Variants in FBXW2 observed in about 807,000 individuals in gnomAD.
FBXW2 encodes the protein F-box and WD repeat domain containing 2.
FBXW2 carries 12 observed loss-of-function variants against 46.0 expected under a neutral mutation model. That is an observed-to-expected ratio of 0.26 (90% CI 0.17 to 0.42). The LOEUF (loss-of-function observed/expected upper bound fraction) is 0.42, where lower values mean the gene tolerates loss of function less well. FBXW2 is among the 10% of genes least tolerant of loss of function. The pLI is 1.00. For synonymous variants in FBXW2, 203 were observed against 209.6 expected, an observed-to-expected ratio of 0.97 and a Z score of 0.27; for missense variants, 360 against 537.0, an observed-to-expected ratio of 0.67 and a Z score of 3.26.
At chr9:120,792,800 A>C in intron 2 of FBXW2, 1 of 1,148,782 alleles carries the variant, frequency 8.7e-7, no homozygotes, top group South Asian at 1.3e-5. Context: ...GCACGCTGTA[A>C]GCCTACAGTA....
chr9:120,771,638 G>C, intron 6 of FBXW2, 121 bp from the exon 7 acceptor site: 2 of 771,962 alleles, frequency 2.6e-6, no homozygotes, highest in South Asian at 3.9e-5. Flanking sequence ...AAGACCCCAG[G>C]TTTTATAGCC....
intron 7 of FBXW2, among the ~76,000 whole-genome samples, chr9:120,766,525 C>A (rs570875329): frequency 6.6e-6 from 1 of 152,196 alleles, no homozygotes; most frequent in African/African-American, 2.4e-5. Flanking sequence ...AGTGCAGTGG[C>A]GTGATCTCGG....
chr9:120,776,240 T>C lies in FBXW2; in HGVS notation c.686-14A>G, dbSNP rs765084024. The C allele has an allele frequency of 6.2e-7, 1 of 1,611,112 alleles. No homozygotes were observed. The highest frequency in any genetic ancestry group is 8.5e-7 in the Non-Finnish European group (1 of 1,178,964). On this transcript the variant is annotated splice_polypyrimidine_tract_variant and intron_variant, in intron 4 of 7. Coordinates refer to ENST00000608872, the MANE Select transcript of FBXW2 (RefSeq NM_012164.4). ...CCACGCTAAATACTAGTGCATATAA[T>C]TACACAAAGTTAAAACATGTCTCTG... is the stretch of plus-strand genomic sequence containing the variant.
At chr9:120,785,891 C>A (rs190673294) in intron 3 of FBXW2, among the ~76,000 whole-genome samples, 1 of 151,596 alleles carries the variant, frequency 6.6e-6, no homozygotes, top group Non-Finnish European at 1.5e-5. Context: ...GGTGTGGTGG[C>A]GCACACCTGT....
At chr9:120,778,307 G>T in intron 4 of FBXW2, 44 bp downstream of exon 4, 1 of 1,508,766 alleles carries the variant, frequency 6.6e-7, no homozygotes, top group Non-Finnish European at 8.9e-7. Context: ...TGGCTTAAAA[G>T]GATGAGGCTA....
chr9:120,757,037 T>C lies in FBXW2; in HGVS notation c.*7522A>G, dbSNP rs2044140648. ...ATTAGTGAAATTTTATTTATAGCCA[T>C]AATTCATCTCGACCAATGATTTCAC... is the stretch of plus-strand genomic sequence containing the variant. On this transcript the variant is annotated 3_prime_UTR_variant, in exon 8 of 8. Transcript: ENST00000608872. 1 of 152,240 alleles carries C rather than the reference T, an allele frequency of 6.6e-6. No individual in the cohort carries two copies. The highest frequency in any genetic ancestry group is 1.9e-4 in the East Asian group (1 of 5,206). 9.4% of individuals were successfully genotyped at this position (152,240 alleles called of 1,614,324 possible).
intron 5 of FBXW2, among the ~76,000 whole-genome samples, chr9:120,773,437 A>C (rs1012012570): frequency 6.6e-6 from 1 of 152,216 alleles, no homozygotes; most frequent in African/African-American, 2.4e-5. Context: ...CTTGGACAAG[A>C]CCATCTAAAC....
At position 120,760,712 on chromosome 9, in the gene FBXW2, T is replaced by C. The variant is rs537332691; in HGVS notation, c.*3847A>G. On this transcript the variant is annotated 3_prime_UTR_variant, in exon 8 of 8. Transcript: ENST00000608872. ...TCTAGGCAATCTGGAAGCCACACAG[T>C]AACAACTTCAAGTTGCCAGCTGGGT... The C allele has an allele frequency of 2.7e-4, 41 of 152,334 alleles. No homozygotes were observed. Among genetic ancestry groups the C allele is most frequent in the African/African-American group, 8.7e-4 (36 of 41,576 alleles). 9.4% of individuals were successfully genotyped at this position (152,334 alleles called of 1,614,324 possible).
intron 3 of FBXW2, among the ~76,000 whole-genome samples, chr9:120,778,873 C>G (rs2044554012): frequency 1.3e-5 from 2 of 152,210 alleles, no homozygotes; most frequent in African/African-American, 4.8e-5. Context: ...CACGAGCTCT[C>G]TGATTTGACT....
chr9:120,786,962 A>G (rs909186180), intron 3 of FBXW2, among the ~76,000 whole-genome samples: 13 of 152,186 alleles, frequency 8.5e-5, no homozygotes, highest in African/African-American at 2.9e-4. Flanking sequence ...CCCAAACTCC[A>G]ACTTCTACTT....
rs1007122564 is a variant in FBXW2, at chr9:120,759,016, T to C, written c.*5543A>G. On this transcript the variant is annotated 3_prime_UTR_variant, in exon 8 of 8. Transcript: ENST00000608872. The stretch of plus-strand genomic sequence containing the variant: ...TTTGGATCACCTTCAGAAATGGTTA[T>C]ATTGTTGAGTTTACCTTCTAGAAGA... 6.6e-6 allele frequency: 1 copy of C among 152,236 alleles called. No individual in the cohort carries two copies. The highest frequency in any genetic ancestry group is 2.4e-5 in the African/African-American group (1 of 41,466). 9.4% of individuals were successfully genotyped at this position (152,236 alleles called of 1,614,324 possible).
At chr9:120,781,313 A>G (rs1274353100) in intron 3 of FBXW2, among the ~76,000 whole-genome samples, 3 of 152,202 alleles carry the variant, frequency 2.0e-5, no homozygotes, top group Admixed American at 2.0e-4. Context: ...AGGAACTGGG[A>G]TCAAGTCATA....
At chr9:120,773,421 T>C (rs995712072) in intron 5 of FBXW2, among the ~76,000 whole-genome samples, 4 of 152,218 alleles carry the variant, frequency 2.6e-5, no homozygotes, top group African/African-American at 9.6e-5. Flanking sequence ...ATGCTGACTT[T>C]GCAACCTTGG....
intron 3 of FBXW2, among the ~76,000 whole-genome samples, chr9:120,778,902 C>A (rs1159236669): frequency 6.6e-6 from 1 of 152,200 alleles, no homozygotes; most frequent in African/African-American, 2.4e-5. Context: ...ATAGGTATTA[C>A]ACATGACTGC....
At chr9:120,767,378 T>G (rs2044295299) in intron 7 of FBXW2, among the ~76,000 whole-genome samples, 1 of 152,172 alleles carries the variant, frequency 6.6e-6, no homozygotes, top group Non-Finnish European at 1.5e-5. Flanking sequence ...TTAGATGACA[T>G]GTTTGAGAAC....
chr9:120,781,744 C>T (rs1024081235), intron 3 of FBXW2, among the ~76,000 whole-genome samples: 1 of 151,712 alleles, frequency 6.6e-6, no homozygotes, highest in East Asian at 1.9e-4. Flanking sequence ...TAAAATTGGC[C>T]GGGTGTGGTG....
chr9:120,778,031 G>C (rs998995866), intron 4 of FBXW2, among the ~76,000 whole-genome samples: 1 of 151,720 alleles, frequency 6.6e-6, no homozygotes, highest in Non-Finnish European at 1.5e-5. Flanking sequence ...TAAAAGCCAA[G>C]GGACTGTCTG....
At position 120,776,187 on chromosome 9, in the gene FBXW2, A is replaced by G; in HGVS notation, c.725T>C (p.Val242Ala). ...CACAGTGAAGTCTGCAGAGCCGCTC[A>G]CCAAGATATCCAGTTCATCATTGTA... ...VDYNDELDIL[V>A]SGSADFTVKV... is the part of the protein sequence containing the mutation. Residue 242 changes from valine to alanine, a missense_variant, in exon 5 of 8, where the codon GTG becomes GCG. By Grantham distance (64) the Val-to-Ala change is moderately conservative. Transcript: ENST00000608872. 1 of 1,614,200 alleles carries G rather than the reference A, an allele frequency of 6.2e-7. No homozygotes were observed. The highest frequency in any genetic ancestry group is 1.1e-5 in the South Asian group (1 of 91,086).
intron 4 of FBXW2, 125 bp from the exon 5 acceptor site, chr9:120,776,351 G>T: frequency 9.6e-7 from 1 of 1,044,860 alleles, no homozygotes; most frequent in Non-Finnish European, 1.3e-6. Context: ...TAAGAATGAT[G>T]CTATTCAACT....
Sources: allele counts gnomAD v4.1 joint callset (sites outside exome capture counted in the v4.1 genomes callset), GRCh38; gene constraint gnomAD v4.1.1; transcripts MANE v1.5; gene names NCBI Gene and HGNC (gene_info 2026-07-23, HGNC 2026-07-21).